PCDHA6: variants seen among roughly 807,000 people sequenced by gnomAD.
PCDHA6 encodes protocadherin alpha 6, also known as protocadherin alpha-6.
PCDHA6 carries 55 observed loss-of-function variants against 60.3 expected under a neutral mutation model. That is an observed-to-expected ratio of 0.91 (90% CI 0.73 to 1.14). The LOEUF is 1.14. Ranked by LOEUF, PCDHA6 falls within the 50% of genes most tolerant of loss-of-function variation. PCDHA6 has a pLI of 0.00. For missense variants in PCDHA6, 1,327 were observed against 1,256.5 expected, an observed-to-expected ratio of 1.06 and a Z score of -0.85; for synonymous variants, 652 against 557.9, an observed-to-expected ratio of 1.17 and a Z score of -2.38.
intron 1 of PCDHA6, among the ~76,000 whole-genome samples, chr5:140,890,014 A>G (rs1402612271): frequency 6.6e-6 from 1 of 152,148 alleles, no homozygotes; most frequent in African/African-American, 2.4e-5. Flanking sequence ...TGCCAGAAAA[A>G]TGTAGAAGGC....
At chr5:140,990,537 A>G (rs2097398813) in intron 3 of PCDHA6, among the ~76,000 whole-genome samples, 1 of 152,192 alleles carries the variant, frequency 6.6e-6, no homozygotes, top group Non-Finnish European at 1.5e-5. Flanking sequence ...TGTGCATCAT[A>G]GATACTGTAT....
intron 1 of PCDHA6, among the ~76,000 whole-genome samples, chr5:140,943,588 T>C (rs1179171934): frequency 1.3e-5 from 2 of 152,176 alleles, no homozygotes; most frequent in Non-Finnish European, 2.9e-5. Context: ...TGAGTGGGGC[T>C]GAATTCTAAA....
In PCDHA6 at chr5:140,829,711, G is replaced by T. The variant is rs2150173108; in HGVS notation, c.1620G>T (p.Ala540=). The T allele has an allele frequency of 1.9e-6, 3 of 1,613,460 alleles. No individual in the cohort carries two copies. Among genetic ancestry groups the T allele is most frequent in the Non-Finnish European group, 1.7e-6 (2 of 1,179,872 alleles). Residue 540 remains alanine (A), a synonymous_variant, in exon 1 of 4, where the codon GCG becomes GCT. Transcript: ENST00000529310. Reference sequence around the variant, plus strand: ...AGTTTCAGGTGAGCGCGCGCGACGCGGGCGTGCCGCCTCTGGGCAGCAACG... The same window carrying T: ...AGTTTCAGGTGAGCGCGCGCGACGCTGGCGTGCCGCCTCTGGGCAGCAACG... ...LLQFQVSARD[A]GVPPLGSNVT...
chr5:140,876,567 G>T (rs782286416), intron 1 of PCDHA6: 90 of 1,614,068 alleles, frequency 5.6e-5, no homozygotes, highest in Non-Finnish European at 6.3e-5. Context: ...ATGCTCAGGT[G>T]GGTACCGTCA....
intron 1 of PCDHA6, among the ~76,000 whole-genome samples, chr5:140,956,438 G>A (rs891696288): frequency 1.3e-5 from 2 of 152,154 alleles, no homozygotes; most frequent in Non-Finnish European, 2.9e-5. Context: ...TTCTGCTTAT[G>A]TGATGAATTA....
At position 140,829,189 on chromosome 5, in the gene PCDHA6, T is replaced by A; in HGVS notation, c.1098T>A (p.Gly366=). 1 of 1,614,208 alleles carries A rather than the reference T, an allele frequency of 6.2e-7. No individual in the cohort carries two copies. Among genetic ancestry groups the A allele is most frequent in the Non-Finnish European group, 8.5e-7 (1 of 1,180,026 alleles). Residue 366 remains glycine (G), a synonymous_variant, in exon 1 of 4, where the codon GGT becomes GGA. Transcript: ENST00000529310. ...CTGTACGTGAAGACGCTCAATTTGG[T>A]ACTGTCATCGCCCTAATTAGCGTGA... ...SLPVREDAQF[G]TVIALISVND... is the part of the protein sequence containing the mutation.
At chr5:140,935,908 T>TG (rs2090628873) in intron 1 of PCDHA6, among the ~76,000 whole-genome samples, 1 of 151,636 alleles carries the variant, frequency 6.6e-6, no homozygotes, top group Non-Finnish European at 1.5e-5. Context: ...TTTTTTTTTT[T>TG]TTGAGACAGA....
chr5:140,942,817 T>C (rs1479369594), intron 1 of PCDHA6, among the ~76,000 whole-genome samples: 2 of 152,160 alleles, frequency 1.3e-5, no homozygotes, highest in African/African-American at 4.8e-5. Context: ...ACTAGTTGGA[T>C]TTGGCCCTGT....
At chr5:140,971,640 A>G (rs2096489850) in intron 1 of PCDHA6, among the ~76,000 whole-genome samples, 1 of 152,184 alleles carries the variant, frequency 6.6e-6, no homozygotes, top group Non-Finnish European at 1.5e-5. Context: ...CCATGTGCCT[A>G]CATTAAAAGT....
chr5:140,977,712 T>C (rs2153814265), intron 1 of PCDHA6, among the ~76,000 whole-genome samples: 1 of 152,306 alleles, frequency 6.6e-6, no homozygotes, highest in South Asian at 2.1e-4. Context: ...AATATTGAGA[T>C]GGTGATCATT....
chr5:140,869,302 G>A, intron 1 of PCDHA6: 5 of 1,613,642 alleles, frequency 3.1e-6, no homozygotes, highest in Non-Finnish European at 4.2e-6. Flanking sequence ...GTTCCGGGTG[G>A]CGTCCAAAAC....
intron 1 of PCDHA6, chr5:140,861,215 A>G (rs77020201): frequency 0.081 from 13,442 of 165,830 alleles, 594 homozygotes; most frequent in Middle Eastern, 0.11. Flanking sequence ...TAACCAAAAG[A>G]GAGGCATAAT....
In PCDHA6 at chr5:141,010,671, A is replaced by T. The variant is rs375520397; in HGVS notation, c.*734A>T. The T allele has an allele frequency of 5.7e-4, 94 of 164,082 alleles. 1 individual carries two copies. Among genetic ancestry groups the T allele is most frequent in the Non-Finnish European group, 1.2e-3 (86 of 74,622 alleles). The allele number at this position is 164,082 out of a possible 1,614,324, so 10.2% of individuals were successfully genotyped here. A position where few individuals can be genotyped will look rare whatever the true frequency, so the allele number is the denominator to read the frequency against. On this transcript the variant is annotated 3_prime_UTR_variant, in exon 4 of 4. Transcript: ENST00000529310. Reference sequence around the variant, plus strand: ...TGTTTTAACAGAGAACCACCCTGGGAAACAGAAGCAGATCTGATGTGTTTC... The same window carrying T: ...TGTTTTAACAGAGAACCACCCTGGGTAACAGAAGCAGATCTGATGTGTTTC...
chr5:140,870,427 G>A, intron 1 of PCDHA6: 1 of 1,614,220 alleles, frequency 6.2e-7, no homozygotes, highest in Non-Finnish European at 8.5e-7. Flanking sequence ...CAGGGTATCC[G>A]TGGAGGTGGC....
At chr5:140,862,994 G>T (rs199654880) in intron 1 of PCDHA6, 1 of 549,002 alleles carries the variant, frequency 1.8e-6, no homozygotes. Flanking sequence ...GGTGCGCACG[G>T]TGGACTCCAG....
chr5:140,900,618 C>A (rs1382793608), intron 1 of PCDHA6, among the ~76,000 whole-genome samples: 1 of 152,180 alleles, frequency 6.6e-6, no homozygotes, highest in Non-Finnish European at 1.5e-5. Context: ...ATGTAGATTG[C>A]TTCCAAATCT....
intron 1 of PCDHA6, chr5:140,841,998 T>C (rs2150327142): frequency 6.2e-7 from 1 of 1,613,848 alleles, no homozygotes; most frequent in South Asian, 1.1e-5. Flanking sequence ...ACAGGCACTG[T>C]TCAGCTGCTG....
intron 1 of PCDHA6, among the ~76,000 whole-genome samples, chr5:140,903,944 A>G (rs1554191212): frequency 6.6e-6 from 1 of 152,192 alleles, no homozygotes; most frequent in African/African-American, 2.4e-5. Context: ...CCTCTTAAAT[A>G]CTGGAAAATT....
intron 1 of PCDHA6, chr5:140,884,023 G>C (rs1554181067): frequency 2.5e-6 from 4 of 1,613,202 alleles, no homozygotes; most frequent in Non-Finnish European, 3.4e-6. Flanking sequence ...CGCGGTCGGT[G>C]GGTGCAGGCC....
Sources: allele counts gnomAD v4.1 joint callset (sites outside exome capture counted in the v4.1 genomes callset), GRCh38; gene constraint gnomAD v4.1.1; transcripts MANE v1.5; gene names NCBI Gene and HGNC (gene_info 2026-07-23, HGNC 2026-07-21).